The following PBX1 variants were observed in gnomAD, a reference collection of about 807,000 sequenced individuals.
PBX1 encodes the protein PBX homeobox 1, also known as pre-B-cell leukemia transcription factor 1.
In PBX1, 6 loss-of-function variants were observed where a neutral mutation model predicts 53.4. The observed-to-expected ratio is 0.11, with a 90% CI of 0.06 to 0.22. The LOEUF (loss-of-function observed/expected upper bound fraction) is 0.22. Among genes scored for constraint, PBX1 ranks in the 10% least tolerant of loss-of-function variants. PBX1 has a pLI of 1.00. For missense variants in PBX1, 251 were observed against 551.4 expected, an observed-to-expected ratio of 0.46 and a Z score of 5.46; for synonymous variants, 204 against 212.3, an observed-to-expected ratio of 0.96 and a Z score of 0.34.
intron 8 of PBX1, among the ~76,000 whole-genome samples, chr1:164,832,802 A>G (rs112291283): frequency 7.4e-4 from 113 of 152,266 alleles, no homozygotes; most frequent in African/African-American, 2.6e-3. Context: ...AATGAAGGTT[A>G]AAAGCAATTA....
chr1:164,589,292 T>G (rs1655191348), intron 2 of PBX1, among the ~76,000 whole-genome samples: 1 of 151,968 alleles, frequency 6.6e-6, no homozygotes, highest in Admixed American at 6.6e-5. Context: ...TCCCAAGTTG[T>G]TTGCAGATGG....
chr1:164,855,296 GTC>G (rs1173878557), downstream of PBX1, among the ~76,000 whole-genome samples: 6 of 152,094 alleles, frequency 3.9e-5, no homozygotes, highest in Admixed American at 2.6e-4. Flanking sequence ...CACCTCCACA[GTC>G]TCCAATTTCC....
intron 2 of PBX1, among the ~76,000 whole-genome samples, chr1:164,574,196 A>T (rs765040385): frequency 1.3e-5 from 2 of 152,090 alleles, no homozygotes; most frequent in Non-Finnish European, 2.9e-5. Context: ...CCTTAACAAA[A>T]TCTTAAGTGT....
intron 2 of PBX1, among the ~76,000 whole-genome samples, chr1:164,774,155 A>G (rs1404995938): frequency 1.3e-5 from 2 of 152,200 alleles, no homozygotes; most frequent in East Asian, 3.9e-4. Flanking sequence ...TCACAAATAA[A>G]TGACAGAATA....
intron 2 of PBX1, among the ~76,000 whole-genome samples, chr1:164,873,842 A>G (rs1038827575): frequency 1.3e-5 from 2 of 152,206 alleles, no homozygotes; most frequent in African/African-American, 4.8e-5. Context: ...TCTCAGAGCC[A>G]GTGCCCAATG....
intron 2 of PBX1, among the ~76,000 whole-genome samples, chr1:164,884,886 C>G (rs1238903573): frequency 6.6e-6 from 1 of 152,058 alleles, no homozygotes; most frequent in Non-Finnish European, 1.5e-5. Context: ...TGATGAATAG[C>G]TAGGTATATA....
Position 164,709,592 on chromosome 1 carries a change from C to G in PBX1, c.266-82902C>G, listed in dbSNP as rs1663636815. Among the ~76,000 whole-genome samples, 8 of 151,962 alleles carry G rather than the reference C, an allele frequency of 5.3e-5. No individual in the cohort carries two copies. The South Asian group carries it at 1.7e-3, about 32-fold the overall frequency. ...AGACCACCAAGACATTTCACGCAGA[C>G]CACCCACTGCAATTTCTTGCATAGG... On this transcript the variant is annotated intron_variant, in intron 2 of 8. Coordinates refer to ENST00000420696, the MANE Select transcript of PBX1 (RefSeq NM_002585.4).
Position 164,848,717 on chromosome 1 carries a change from A to G in PBX1, c.*2041A>G. Reference sequence around the variant, plus strand: ...CTTGTACATACTTGGTCCCTGTCACATTGACTGCTTGGGAGGCTTCCAGGG... The same window carrying G: ...CTTGTACATACTTGGTCCCTGTCACGTTGACTGCTTGGGAGGCTTCCAGGG... On this transcript the variant is annotated 3_prime_UTR_variant, in exon 9 of 9. Coordinates refer to ENST00000420696, the MANE Select transcript of PBX1 (RefSeq NM_002585.4). The G allele has an allele frequency of 1.9e-6, 2 of 1,056,858 alleles. No homozygotes were observed. Among genetic ancestry groups the G allele is most frequent in the Non-Finnish European group, 2.3e-6 (2 of 873,940 alleles). 65.5% of individuals were successfully genotyped at this position (1,056,858 alleles called of 1,614,324 possible). A position where few individuals can be genotyped will look rare whatever the true frequency, so the allele number is the denominator to read the frequency against.
chr1:164,882,706 C>T (rs1019050562), intron 2 of PBX1, among the ~76,000 whole-genome samples: 2 of 152,090 alleles, frequency 1.3e-5, no homozygotes, highest in African/African-American at 4.8e-5. Flanking sequence ...TCTCAAAATA[C>T]TGGGATTACA....
At chr1:164,776,156 A>G (rs1464016626) in intron 2 of PBX1, among the ~76,000 whole-genome samples, 2 of 152,182 alleles carry the variant, frequency 1.3e-5, no homozygotes, top group Non-Finnish European at 2.9e-5. Flanking sequence ...AATAGATTTC[A>G]GTGAAGAGGC....
At position 164,777,107 on chromosome 1, in the gene PBX1, C is replaced by A. The variant is rs531375848; in HGVS notation, c.266-15387C>A. Among the ~76,000 whole-genome samples the A allele has an allele frequency of 2.8e-4, 42 of 152,204 alleles. No individual in the cohort carries two copies. In the South Asian group the frequency reaches 8.5e-3, roughly 31 times the overall value. On this transcript the variant is annotated intron_variant, in intron 2 of 8. Transcript: ENST00000420696. ...TCAACAGAATAATAGTTTCGGAAAACCACACCTTGAAATTCACCTTAGCAT... is the reference window on the plus strand; with the variant it reads ...TCAACAGAATAATAGTTTCGGAAAAACACACCTTGAAATTCACCTTAGCAT...
intron 2 of PBX1, among the ~76,000 whole-genome samples, chr1:164,612,401 A>T (rs956669766): frequency 2.6e-5 from 4 of 151,838 alleles, no homozygotes; most frequent in Non-Finnish European, 4.4e-5. Context: ...GGATGGGGGG[A>T]CTTCTATGTG....
intron 2 of PBX1, among the ~76,000 whole-genome samples, chr1:164,759,413 A>G (rs921327432): frequency 1.3e-5 from 2 of 152,198 alleles, no homozygotes; most frequent in African/African-American, 4.8e-5. Context: ...CCCTAAATCT[A>G]ATGCCCAAGG....
intron 8 of PBX1, among the ~76,000 whole-genome samples, chr1:164,836,438 A>G (rs1490939701): frequency 6.6e-6 from 1 of 152,210 alleles, no homozygotes; most frequent in Non-Finnish European, 1.5e-5. Context: ...TTCCAGAATA[A>G]AAGAGGGTGT....
At chr1:164,731,562 A>ATTTGTTT (rs1374007965) in intron 2 of PBX1, among the ~76,000 whole-genome samples, 2 of 152,170 alleles carry the variant, frequency 1.3e-5, no homozygotes, top group Admixed American at 1.3e-4. Context: ...TTACTGGGAA[A>ATTTGTTT]TGCAAACAAA....
chr1:164,877,978 C>A (rs1405308043), intron 2 of PBX1, among the ~76,000 whole-genome samples: 4 of 152,158 alleles, frequency 2.6e-5, no homozygotes, highest in African/African-American at 9.7e-5. Context: ...TAAGTGGAAT[C>A]CTGCACTATA....
At chr1:164,583,874 G>A (rs1055987851) in intron 2 of PBX1, among the ~76,000 whole-genome samples, 1 of 152,144 alleles carries the variant, frequency 6.6e-6, no homozygotes, top group African/African-American at 2.4e-5. Context: ...AAACGAAGGC[G>A]CTTTAGGGCA....
intron 6 of PBX1, chr1:164,817,120 T>G (rs918768817): frequency 6.6e-6 from 1 of 152,226 alleles, no homozygotes; most frequent in Non-Finnish European, 1.5e-5. Context: ...ATTCAGAACC[T>G]TTTAACTGAC....
intron 6 of PBX1, chr1:164,816,612 G>A (rs759728757): frequency 5.9e-5 from 9 of 152,044 alleles, no homozygotes; most frequent in Non-Finnish European, 7.4e-5. Context: ...GCTATCTTTG[G>A]TTGTCACAAT....
Sources: allele counts gnomAD v4.1 joint callset (sites outside exome capture counted in the v4.1 genomes callset), GRCh38; gene constraint gnomAD v4.1.1; transcripts MANE v1.5; gene names NCBI Gene and HGNC (gene_info 2026-07-23, HGNC 2026-07-21).